Variants in PINX1 observed in about 807,000 individuals in gnomAD.
The protein encoded by PINX1 is PIN2/TERF1-interacting telomerase inhibitor 1.
A neutral mutation model predicts 25.4 loss-of-function variants in PINX1; 34 were observed. The observed-to-expected ratio is 1.34, with a 90% CI of 1.02 to 1.78. The LOEUF is 1.78. Among genes scored for constraint, PINX1 ranks in the 40% most tolerant of loss-of-function variants. PINX1 has a pLI of 0.00. For missense variants in PINX1, 592 were observed against 404.9 expected (o/e 1.46, Z -3.97); for synonymous variants, 197 against 147.7 (o/e 1.33, Z -2.42).
chr8:10,814,139 A>C (rs1170901795), intron 6 of PINX1, among the ~76,000 whole-genome samples: 1 of 152,180 alleles, frequency 6.6e-6, no homozygotes, highest in African/African-American at 2.4e-5. Context: ...GAAAGTGCAT[A>C]CATCTCCAAT....
rs547134128 is a variant in PINX1, at chr8:10,798,052, A to G, written c.471+22141T>C. Among the ~76,000 whole-genome samples the G allele has an allele frequency of 5.2e-5, 8 of 152,382 alleles. No homozygotes were observed. In the South Asian group the frequency reaches 1.4e-3, roughly 28 times the overall value. ...ACTTTTCAGGAGTAACAGCTACACTAGAAGTGAGGAATAGACGGGGAGACA... is the reference window on the plus strand; with the variant it reads ...ACTTTTCAGGAGTAACAGCTACACTGGAAGTGAGGAATAGACGGGGAGACA... On this transcript the variant is annotated intron_variant, in intron 6 of 6. Transcript: ENST00000314787.
At chr8:10,776,356 C>A (rs187701873) in intron 6 of PINX1, among the ~76,000 whole-genome samples, 1 of 152,034 alleles carries the variant, frequency 6.6e-6, no homozygotes, top group Non-Finnish European at 1.5e-5. Flanking sequence ...ACCTGAGAAG[C>A]GGAGGTTGCA....
At chr8:10,798,562 G>A (rs1276365774) in intron 6 of PINX1, among the ~76,000 whole-genome samples, 2 of 152,156 alleles carry the variant, frequency 1.3e-5, no homozygotes, top group African/African-American at 2.4e-5. Flanking sequence ...CAGGACTCCT[G>A]GGGAAAAAAA....
chr8:10,830,308 T>C lies in PINX1; in HGVS notation c.301+1357A>G, dbSNP rs567310088. On this transcript the variant is annotated intron_variant, in intron 4 of 6. Coordinates refer to ENST00000314787, the MANE Select transcript of PINX1 (RefSeq NM_017884.6). ...AAAATACCAACAAAGCACCTTTCCC[T>C]TCACACTGTTGGGCTCACTTCCACA... 2.0e-5 allele frequency among the ~76,000 whole-genome samples: 3 copies of C among 152,338 alleles called. No homozygotes were observed. In the East Asian group the frequency reaches 5.8e-4, roughly 29 times the overall value.
intron 6 of PINX1, chr8:10,787,613 G>T (rs1371516077): frequency 3.2e-6 from 1 of 314,996 alleles, no homozygotes; most frequent in South Asian, 2.9e-5. Flanking sequence ...GTGATGGCAA[G>T]AACCATTTAC....
chr8:10,787,223 A>ACG (rs1033499119), intron 6 of PINX1, among the ~76,000 whole-genome samples: 4 of 151,734 alleles, frequency 2.6e-5, no homozygotes, highest in African/African-American at 4.8e-5. Context: ...ACACACACAC[A>ACG]CGTTTGTTTG....
intron 6 of PINX1, among the ~76,000 whole-genome samples, chr8:10,778,740 G>C (rs1042309802): frequency 7.9e-5 from 12 of 152,152 alleles, no homozygotes; most frequent in African/African-American, 2.9e-4. Context: ...TGAAATTAGT[G>C]CTCTGCTGAA....
Position 10,820,251 on chromosome 8 carries a change from C to T in PINX1, c.413G>A (p.Arg138Gln), listed in dbSNP as rs371353496. ...KFTKGKDLSS[R>Q]SKTDLDCIFG... is the part of the protein sequence containing the mutation. ...AATGCAGTCAAGATCTGTTTTGCTC[C>T]GAGATGACAGATCCTTCCCTAGAAA... Residue 138 changes from arginine to glutamine, a missense_variant, in exon 6 of 7, where the codon CGG becomes CAG. Transcript: ENST00000314787. 8.3e-5 allele frequency: 134 copies of T among 1,611,508 alleles called. No homozygotes were observed. The highest frequency in any genetic ancestry group is 3.3e-4 in the Admixed American group (20 of 59,982).
At chr8:10,786,164 T>A (rs985365649) in intron 6 of PINX1, among the ~76,000 whole-genome samples, 1 of 152,252 alleles carries the variant, frequency 6.6e-6, no homozygotes, top group African/African-American at 2.4e-5. Context: ...TTATTCTTAA[T>A]CATTTGTTCA....
intron 6 of PINX1, among the ~76,000 whole-genome samples, chr8:10,812,859 C>T (rs543596629): frequency 2.2e-4 from 33 of 152,348 alleles, no homozygotes; most frequent in African/African-American, 7.7e-4. Context: ...AGGACAGGTG[C>T]GACCAGACAC....
chr8:10,833,119 A>C (rs570994767), intron 2 of PINX1, 135 bp from the exon 3 acceptor site: 2 of 570,566 alleles, frequency 3.5e-6, no homozygotes, highest in East Asian at 3.0e-5. Flanking sequence ...ACTTTCACAA[A>C]GCAACATGGG....
chr8:10,792,669 G>A (rs1801961459), intron 6 of PINX1, among the ~76,000 whole-genome samples: 1 of 152,122 alleles, frequency 6.6e-6, no homozygotes, highest in Admixed American at 6.5e-5. Flanking sequence ...CGGTACTCTG[G>A]CAAAGGTATT....
chr8:10,786,405 G>C (rs1801748741), intron 6 of PINX1, among the ~76,000 whole-genome samples: 1 of 152,174 alleles, frequency 6.6e-6, no homozygotes, highest in Admixed American at 6.5e-5. Context: ...TAAAAGTGGG[G>C]AGTTGCACGG....
rs181557711 is a variant in PINX1 at position 10,811,269 on chromosome 8, G to T, written c.471+8924C>A. On this transcript the variant is annotated intron_variant, in intron 6 of 6. Coordinates refer to ENST00000314787, the MANE Select transcript of PINX1 (RefSeq NM_017884.6). ...GCTCAAATGCAGGCATATGAAACGA[G>T]ATCTCAAGTGCCTATTCACAACACT... Among the ~76,000 whole-genome samples the T allele has an allele frequency of 1.4e-3, 212 of 152,344 alleles. 1 individual carries two copies. The highest frequency in any genetic ancestry group is 4.8e-3 in the African/African-American group (201 of 41,576).
intron 6 of PINX1, among the ~76,000 whole-genome samples, chr8:10,792,996 C>G (rs1211189707): frequency 6.6e-6 from 1 of 152,144 alleles, no homozygotes; most frequent in African/African-American, 2.4e-5. Flanking sequence ...GTTGCCACTT[C>G]CATGGATTTG....
At chr8:10,827,249 G>C (rs984602096) in intron 4 of PINX1, among the ~76,000 whole-genome samples, 1 of 152,334 alleles carries the variant, frequency 6.6e-6, no homozygotes. Context: ...ACAGATCAGA[G>C]ATGACGATTA....
At chr8:10,834,498 T>C in intron 2 of PINX1, 168 bp downstream of exon 2, 1 of 985,354 alleles carries the variant, frequency 1.0e-6, no homozygotes, top group Non-Finnish European at 1.4e-6. Flanking sequence ...GACACTTATG[T>C]CCAATCCTAA....
At chr8:10,836,981 T>C in intron 1 of PINX1, among the ~76,000 whole-genome samples, 1 of 152,182 alleles carries the variant, frequency 6.6e-6, no homozygotes, top group Non-Finnish European at 1.5e-5. Context: ...TTTGTAATTC[T>C]CATGCCACAG....
chr8:10,823,811 G>C (rs907278975), intron 5 of PINX1, among the ~76,000 whole-genome samples: 6 of 152,124 alleles, frequency 3.9e-5, no homozygotes, highest in Admixed American at 3.3e-4. Context: ...CTGGGCAACA[G>C]AGTGAGATCC....
Sources: gnomAD v4.1 joint callset for allele counts (sites outside exome capture counted in the v4.1 genomes callset) on GRCh38, gnomAD v4.1.1 for gene constraint, MANE v1.5 for transcripts, NCBI Gene and HGNC (gene_info 2026-07-23, HGNC 2026-07-21) for gene names.